GPR137B: variants seen among roughly 807,000 people sequenced by gnomAD.
GPR137B encodes G protein-coupled receptor 137B.
GPR137B carries 42 observed loss-of-function variants against 42.5 expected under a neutral mutation model. That is an observed-to-expected ratio of 0.99 (90% confidence interval 0.77 to 1.28). GPR137B has a LOEUF of 1.28. Among genes scored for constraint, GPR137B ranks in the 50% most tolerant of loss-of-function variants. The pLI is 0.00. For missense variants in GPR137B, 487 were observed against 493.9 expected (o/e 0.99, Z 0.13); for synonymous variants, 218 against 209.7 (o/e 1.04, Z -0.34).
intron 5 of GPR137B, among the ~76,000 whole-genome samples, chr1:236,188,643 C>A (rs1036135518): frequency 2.0e-5 from 3 of 152,290 alleles, no homozygotes; most frequent in East Asian, 3.9e-4. Flanking sequence ...GTATGTCGAA[C>A]CAGCCTTCTA....
In GPR137B at chr1:236,145,586, T is replaced by A. The variant is rs138438711; in HGVS notation, c.414+2550T>A. 2.1e-4 allele frequency among the ~76,000 whole-genome samples: 32 copies of A among 152,296 alleles called. No homozygotes were observed. The East Asian group carries it at 5.8e-3, about 28-fold the overall frequency. On this transcript the variant is annotated intron_variant, in intron 1 of 6. Transcript: ENST00000366592. ...GTTGACCAGGATGGTCTTGATCTCT[T>A]GACCTTGTGATCTGTCCACCTCGGC... is the stretch of plus-strand genomic sequence containing the variant.
chr1:236,198,517 C>T lies in GPR137B; in HGVS notation c.967-6609C>T, dbSNP rs573798132. ...ACTGTATCCAGCCTGATGATGGTAT[C>T]TTGATGGGAATTGCATTGAATTTGT... On this transcript the variant is annotated intron_variant, in intron 5 of 6. Coordinates refer to ENST00000366592, the MANE Select transcript of GPR137B (RefSeq NM_003272.4). Among the ~76,000 whole-genome samples, 7 of 152,212 alleles carry T rather than the reference C, an allele frequency of 4.6e-5. No homozygotes were observed. In the South Asian group the frequency reaches 8.3e-4, roughly 18 times the overall value.
At chr1:236,196,448 A>T (rs1254200) in intron 5 of GPR137B, among the ~76,000 whole-genome samples, 55,578 of 151,986 alleles carry the variant, frequency 0.37, 11,362 homozygotes, top group East Asian at 0.62. Context: ...CCAAGAATTA[A>T]TATTATTTTT....
intron 5 of GPR137B, among the ~76,000 whole-genome samples, chr1:236,184,910 A>G (rs1325699726): frequency 6.6e-6 from 1 of 151,856 alleles, no homozygotes; most frequent in Non-Finnish European, 1.5e-5. Flanking sequence ...GGGAATACAG[A>G]TGCACGCCAC....
chr1:236,175,841 G>A (rs1033070705), intron 2 of GPR137B, among the ~76,000 whole-genome samples: 8 of 152,184 alleles, frequency 5.3e-5, no homozygotes, highest in African/African-American at 1.9e-4. Context: ...AGCGGGGCTT[G>A]CTTGGTTAGG....
rs1030945724 is a variant in GPR137B at position 236,155,360 on chromosome 1, C to T, written c.414+12324C>T. ...GATAGACACTGAGGCCTAGAAAGGTCGATGGAGCTAACCAGGAACCAACAA... is the reference window on the plus strand; with the variant it reads ...GATAGACACTGAGGCCTAGAAAGGTTGATGGAGCTAACCAGGAACCAACAA... On this transcript the variant is annotated intron_variant, in intron 1 of 6. Transcript: ENST00000366592. The surrounding 1 kb of genome is among the most constrained non-coding windows in gnomAD (Gnocchi z 4.6). Among the ~76,000 whole-genome samples, 7 of 152,182 alleles carry T rather than the reference C, an allele frequency of 4.6e-5. No individual in the cohort carries two copies. Among genetic ancestry groups the T allele is most frequent in the East Asian group, 1.9e-4 (1 of 5,194 alleles).
intron 5 of GPR137B, among the ~76,000 whole-genome samples, chr1:236,204,100 T>TTGAGGGTTTTTATCA (rs201839686): frequency 0.01 from 1,569 of 152,302 alleles, 27 homozygotes; most frequent in African/African-American, 0.035. Context: ...TTTCCCCGGT[T>TTGAGGGTTTTTATCA]TGAGGGTTTT....
chr1:236,203,149 C>T (rs1167352141), intron 5 of GPR137B, among the ~76,000 whole-genome samples: 1 of 152,140 alleles, frequency 6.6e-6, no homozygotes, highest in Non-Finnish European at 1.5e-5. Context: ...GTGATCTCGG[C>T]TCACTGCAAG....
chr1:236,181,720 C>T (rs897547356), intron 4 of GPR137B, among the ~76,000 whole-genome samples: 5 of 152,086 alleles, frequency 3.3e-5, no homozygotes, highest in African/African-American at 1.2e-4. Flanking sequence ...CCCAAACCAA[C>T]ACCACAAACA....
rs1323107750 is a variant in GPR137B at position 236,156,178 on chromosome 1, T to TG, written c.415-12522dup. The stretch of plus-strand genomic sequence containing the variant: ...ACGTGGGAAGAAGCTCACTGAAGTC[T>TG]GGGGGGCCCACATTCCAAGGGCCAG... On this transcript the variant is annotated intron_variant, in intron 1 of 6. Coordinates refer to ENST00000366592, the MANE Select transcript of GPR137B (RefSeq NM_003272.4). The surrounding 1 kb of genome is among the most constrained non-coding windows in gnomAD (Gnocchi z 4.8). 6.6e-6 allele frequency among the ~76,000 whole-genome samples: 1 copy of TG among 152,062 alleles called. No homozygotes were observed. The highest frequency in any genetic ancestry group is 1.5e-5 in the Non-Finnish European group (1 of 68,008).
At chr1:236,167,663 T>G (rs187283148) in intron 1 of GPR137B, among the ~76,000 whole-genome samples, 116 of 152,318 alleles carry the variant, frequency 7.6e-4, no homozygotes, top group Admixed American at 2.5e-3. Flanking sequence ...CTCCCAGTAC[T>G]GTATTGCAAC....
At position 236,155,718 on chromosome 1, in the gene GPR137B, G is replaced by T. The variant is rs780210788; in HGVS notation, c.414+12682G>T. Among the ~76,000 whole-genome samples the T allele has an allele frequency of 2.6e-5, 4 of 152,172 alleles. No individual in the cohort carries two copies. Among genetic ancestry groups the T allele is most frequent in the Non-Finnish European group, 2.9e-5 (2 of 68,014 alleles). On this transcript the variant is annotated intron_variant, in intron 1 of 6. Transcript: ENST00000366592. The surrounding 1 kb of genome is among the most constrained non-coding windows in gnomAD (Gnocchi z 4.6). ...CGTGAGCCGATGGAGGGGTGGAGGA[G>T]GGGAGAGGTGCTTGCTGCCCGGAGA... is the stretch of plus-strand genomic sequence containing the variant.
At chr1:236,202,566 G>A (rs148281491) in intron 5 of GPR137B, among the ~76,000 whole-genome samples, 2 of 152,178 alleles carry the variant, frequency 1.3e-5, no homozygotes, top group African/African-American at 2.4e-5. Flanking sequence ...CCAAGTGGGA[G>A]CTGCATGTAA....
chr1:236,143,571 A>G (rs1661597789), intron 1 of GPR137B, among the ~76,000 whole-genome samples: 1 of 152,318 alleles, frequency 6.6e-6, no homozygotes, highest in Admixed American at 6.5e-5. Flanking sequence ...TAGGAGCTCT[A>G]CAGAACTGCG....
intron 5 of GPR137B, among the ~76,000 whole-genome samples, chr1:236,199,268 A>C (rs761646147): frequency 6.6e-6 from 1 of 152,164 alleles, no homozygotes; most frequent in Non-Finnish European, 1.5e-5. Context: ...ATGGTGGATT[A>C]TCTTTTTGAT....
intron 1 of GPR137B, among the ~76,000 whole-genome samples, chr1:236,143,257 G>T (rs1022685930): frequency 1.3e-5 from 2 of 152,384 alleles, no homozygotes; most frequent in South Asian, 2.1e-4. Context: ...GAGAAGGCAG[G>T]GGAGGGCTGG....
At chr1:236,192,605 C>G (rs12090028) in intron 5 of GPR137B, among the ~76,000 whole-genome samples, 2,020 of 152,168 alleles carry the variant, frequency 0.013, 54 homozygotes, top group African/African-American at 0.047. Context: ...AATTCCCTGA[C>G]TCCTTGCACT....
chr1:236,142,596 C>A lies in GPR137B; in HGVS notation c.-27C>A. On this transcript the variant is annotated 5_prime_UTR_variant, in exon 1 of 7. Transcript: ENST00000366592. ...TGAGCGCGATGCGCGGAGACCCCCG[C>A]GGGGGCGGCGGCGGCCGTGAGCCCC... is the stretch of plus-strand genomic sequence containing the variant. 1.6e-6 allele frequency: 2 copies of A among 1,284,780 alleles called. No individual in the cohort carries two copies. The highest frequency in any genetic ancestry group is 2.0e-6 in the Non-Finnish European group (2 of 1,019,116). The allele number at this position is 1,284,780 out of a possible 1,614,324, so 79.6% of individuals were successfully genotyped here.
intron 1 of GPR137B, among the ~76,000 whole-genome samples, chr1:236,157,010 G>A (rs1233216702): frequency 2.0e-5 from 3 of 152,178 alleles, no homozygotes; most frequent in South Asian, 4.1e-4. Flanking sequence ...AGCCACCCAC[G>A]TGGTACTTAC....
Sources: gnomAD v4.1 joint callset for allele counts (sites outside exome capture counted in the v4.1 genomes callset) on GRCh38, gnomAD v4.1.1 for gene constraint, Gnocchi (gnomAD v3.1) non-coding constraint, MANE v1.5 for transcripts, NCBI Gene and HGNC (gene_info 2026-07-23, HGNC 2026-07-21) for gene names.